Variants in CPAMD8 observed in about 807,000 individuals in gnomAD.
CPAMD8 encodes the protein C3 and PZP like alpha-2-macroglobulin domain containing 8.
Under a neutral mutation model 224.7 loss-of-function variants are expected in CPAMD8, and 146 were observed. The observed-to-expected ratio is 0.65, with a 90% CI of 0.57 to 0.75. The LOEUF is 0.75. Ranked by LOEUF, CPAMD8 falls within the 30% of genes least tolerant of loss-of-function variation. The pLI, the probability that CPAMD8 is intolerant of heterozygous loss-of-function variation, is 0.00. For synonymous variants in CPAMD8, 966 were observed against 1,044.6 expected (o/e 0.92, Z 1.45); for missense variants, 2,301 against 2,537.5 (o/e 0.91, Z 2.00).
chr19:16,940,961 C>T (rs186837732), intron 22 of CPAMD8, among the ~76,000 whole-genome samples: 50 of 152,294 alleles, frequency 3.3e-4, no homozygotes, highest in Non-Finnish European at 4.7e-4. Context: ...GATGGAATCT[C>T]GCTCTGTCGC....
chr19:16,957,954 A>C (rs769170980), intron 18 of CPAMD8, 39 bp from the exon 19 acceptor site: 1 of 1,579,302 alleles, frequency 6.3e-7, no homozygotes, highest in Admixed American at 1.7e-5. Flanking sequence ...GGTTTCATGA[A>C]CATAACAAAT....
intron 2 of CPAMD8, among the ~76,000 whole-genome samples, chr19:17,020,990 C>T (rs1477635885): frequency 6.6e-6 from 1 of 152,178 alleles, no homozygotes; most frequent in Non-Finnish European, 1.5e-5. Context: ...AGGCCTTCCC[C>T]CTGGTCACAG....
At chr19:16,941,386 T>A (rs936692745) in intron 22 of CPAMD8, among the ~76,000 whole-genome samples, 22 of 152,310 alleles carry the variant, frequency 1.4e-4, no homozygotes, top group African/African-American at 4.6e-4. Flanking sequence ...GCACCGTGGA[T>A]GAACCCTGAA....
At chr19:16,928,653 G>A (rs947107266) in intron 24 of CPAMD8, among the ~76,000 whole-genome samples, 2 of 151,914 alleles carry the variant, frequency 1.3e-5, no homozygotes, top group African/African-American at 4.8e-5. Context: ...CCTTGGCCCA[G>A]AAAACACCCC....
At chr19:17,013,847 AC>A (rs1568603570) in intron 3 of CPAMD8, among the ~76,000 whole-genome samples, 1 of 151,400 alleles carries the variant, frequency 6.6e-6, no homozygotes, top group Admixed American at 6.6e-5. Flanking sequence ...AAAAAAAAAA[AC>A]CACTTCAGTC....
intron 27 of CPAMD8, among the ~76,000 whole-genome samples, chr19:16,918,098 A>T (rs2053029564): frequency 2.0e-5 from 3 of 151,820 alleles, no homozygotes; most frequent in Admixed American, 1.3e-4. Context: ...AGGTTCAAGC[A>T]ATTCTCCTGC....
chr19:16,997,834 GA>G (rs1001204415), intron 10 of CPAMD8, among the ~76,000 whole-genome samples: 28 of 141,956 alleles, frequency 2.0e-4, no homozygotes, highest in South Asian at 4.5e-4. Flanking sequence ...CCTGGGTTAA[GA>G]AAAAAAAAAA....
Position 16,918,441 on chromosome 19 carries a change from ACTT to A in CPAMD8, c.3629+3461_3629+3463del, listed in dbSNP as rs1224949415. ...TTTGGAACTTTGTGGAATTTTTAAA[ACTT>A]TTTTTTTTTTTTTTTTTTTAAGAGA... On this transcript the variant is annotated intron_variant, in intron 27 of 41. Transcript: ENST00000443236. Among the ~76,000 whole-genome samples, 656 of 146,256 alleles carry A rather than the reference ACTT, an allele frequency of 4.5e-3. 5 individuals are homozygous for A. The highest frequency in any genetic ancestry group is 0.031 in the South Asian group (148 of 4,712).
At chr19:17,005,419 T>C (rs2056460741) in intron 7 of CPAMD8, among the ~76,000 whole-genome samples, 1 of 113,284 alleles carries the variant, frequency 8.8e-6, no homozygotes. Flanking sequence ...CCAACTGAAC[T>C]AGAGCACGCA....
intron 3 of CPAMD8, among the ~76,000 whole-genome samples, chr19:17,012,354 T>C (rs554539954): frequency 2.7e-4 from 41 of 149,662 alleles, no homozygotes; most frequent in Non-Finnish European, 3.9e-4. Context: ...TTCTTTCTTT[T>C]TTTTTTTTTT....
Position 16,903,783 on chromosome 19 carries a change from G to A in CPAMD8, c.4326C>T (p.Val1442=), listed in dbSNP as rs755576183. The A allele has an allele frequency of 2.5e-6, 4 of 1,614,148 alleles. No individual in the cohort carries two copies. The highest frequency in any genetic ancestry group is 2.2e-5 in the South Asian group (2 of 91,088). ...LSYAGGINLT[V]SLASTNLDYQ... is the part of the protein sequence containing the mutation. The stretch of plus-strand genomic sequence containing the variant: ...AGTCCAGGTTGGTGGAGGCCAGGGA[G>A]ACAGTGAGGTTGATGCCTCCAGCAT... Residue 1442 remains valine (V), a synonymous_variant, in exon 33 of 42, where the codon GTC becomes GTT. Transcript: ENST00000443236.
chr19:16,904,157 C>G (rs2052374079), intron 32 of CPAMD8, 69 bp downstream of exon 32: 1 of 1,497,230 alleles, frequency 6.7e-7, no homozygotes, highest in Non-Finnish European at 9.0e-7. Flanking sequence ...CCTCAGAGCT[C>G]AAAACAAGGA....
Position 16,993,352 on chromosome 19 carries a change from C to T in CPAMD8, c.1266+64G>A, listed in dbSNP as rs62125983. ...CCACTGATCAGGTGCCTGCACCCAG[C>T]CTGGGGGAGGCCCCAAGTCCATACC... On this transcript the variant is annotated intron_variant, in intron 12 of 41. Coordinates refer to ENST00000443236, the MANE Select transcript of CPAMD8 (RefSeq NM_015692.5). 260,122 of 1,441,658 alleles carry T rather than the reference C, an allele frequency of 0.18. 24,283 individuals are homozygous for T. Among genetic ancestry groups the T allele is most frequent in the Admixed American group, 0.25 (12,664 of 51,672 alleles). The allele number at this position is 1,441,658 out of a possible 1,614,324, so 89.3% of individuals were successfully genotyped here.
intron 27 of CPAMD8, 150 bp downstream of exon 27, chr19:16,921,755 G>C: frequency 1.7e-6 from 1 of 600,278 alleles, no homozygotes; most frequent in East Asian, 2.9e-5. Context: ...CATCTCTGGA[G>C]CTGGGACCAC....
Position 16,980,673 on chromosome 19 carries a change from G to C in CPAMD8, c.1409C>G (p.Ala470Gly). 1 of 1,548,856 alleles carries C rather than the reference G, an allele frequency of 6.5e-7. No homozygotes were observed. Among genetic ancestry groups the C allele is most frequent in the South Asian group, 1.2e-5 (1 of 81,008 alleles). The change falls in exon 14 of 42, where the codon GCC becomes GGC. Residue 470 changes from alanine (A) to glycine (G), a missense_variant. Around this residue, in one of 4 missense-constraint regions of CPAMD8, gnomAD observed 301 missense variants for 406.6 expected, o/e 0.74. Transcript: ENST00000443236. ...ACATGTGGACTTCACAGAAAAATAG[G>C]CTTCTTCCCCAACCTATGGAAGACA... is the stretch of plus-strand genomic sequence containing the variant. The part of the protein sequence containing the change: ...PSHPLQVGEE[A>G]YFSVKSTCPC...
chr19:17,009,521 T>C, intron 5 of CPAMD8: 1 of 821,264 alleles, frequency 1.2e-6, no homozygotes. Flanking sequence ...ATGCCTGTAA[T>C]CCCAGCACTT....
At chr19:17,009,466 C>G in intron 5 of CPAMD8, 146 bp from the exon 6 acceptor site, 1 of 1,396,144 alleles carries the variant, frequency 7.2e-7, no homozygotes, top group South Asian at 1.3e-5. Context: ...CCGTTGAATC[C>G]TAACCCCAAG....
rs1354908732 is a variant in CPAMD8 at position 17,015,512 on chromosome 19, C to T, written c.268-3755G>A. Among the ~76,000 whole-genome samples the T allele has an allele frequency of 3.9e-5, 6 of 152,168 alleles. No individual in the cohort carries two copies. In the East Asian group the frequency reaches 1.2e-3, roughly 29 times the overall value. ...TCCGTCCCAGCCCTCTCTCCAGCCA[C>T]CCACCTCCTGTCTGCTCTGAACAGC... On this transcript the variant is annotated intron_variant, in intron 3 of 41. Coordinates refer to ENST00000443236, the MANE Select transcript of CPAMD8 (RefSeq NM_015692.5).
chr19:16,982,967 G>A (rs563284392), intron 13 of CPAMD8, among the ~76,000 whole-genome samples: 38 of 152,282 alleles, frequency 2.5e-4, no homozygotes, highest in Admixed American at 7.2e-4. Flanking sequence ...AATGAGTCTC[G>A]TGAGATCTGA....
Sources: allele counts gnomAD v4.1 joint callset (sites outside exome capture counted in the v4.1 genomes callset), GRCh38; gene constraint gnomAD v4.1.1; regional missense constraint gnomAD v4.1.1; transcripts MANE v1.5; gene names NCBI Gene and HGNC (gene_info 2026-07-23, HGNC 2026-07-21).